Variants in SDK2 observed in about 807,000 individuals in gnomAD.
The protein encoded by SDK2 is protein sidekick-2.
SDK2 carries 105 observed loss-of-function variants against 253.9 expected under a neutral mutation model. The observed-to-expected ratio is 0.41, with a 90% CI of 0.35 to 0.49. The LOEUF (loss-of-function observed/expected upper bound fraction) is 0.49. Among genes scored for constraint, SDK2 ranks in the 20% least tolerant of loss-of-function variants. The pLI, the probability that SDK2 is intolerant of heterozygous loss-of-function variation, is 0.06. For synonymous variants in SDK2, 1,249 were observed against 1,234.9 expected, an observed-to-expected ratio of 1.01 and a Z score of -0.24; for missense variants, 2,608 against 3,003.0, an observed-to-expected ratio of 0.87 and a Z score of 3.07.
chr17:73,515,102 C>T (rs2064014004), intron 1 of SDK2, among the ~76,000 whole-genome samples: 1 of 152,200 alleles, frequency 6.6e-6, no homozygotes, highest in African/African-American at 2.4e-5. Flanking sequence ...GGCCTGAGTT[C>T]ATCTCAAGGA....
chr17:73,610,655 TTCTG>T (rs2143121258), intron 1 of SDK2, among the ~76,000 whole-genome samples: 1 of 152,192 alleles, frequency 6.6e-6, no homozygotes, highest in African/African-American at 2.4e-5. Context: ...CAACTGGTGT[TTCTG>T]TGTGTGCATG....
intron 3 of SDK2, among the ~76,000 whole-genome samples, chr17:73,466,101 A>G (rs895588513): frequency 6.6e-5 from 10 of 152,164 alleles, no homozygotes; most frequent in African/African-American, 2.2e-4. Flanking sequence ...GTACGGGGTG[A>G]GCACTTGAGA....
At chr17:73,448,742 C>T (rs2063471503) in intron 4 of SDK2, among the ~76,000 whole-genome samples, 1 of 151,506 alleles carries the variant, frequency 6.6e-6, no homozygotes, top group Admixed American at 6.6e-5. Flanking sequence ...CTTACTGCAA[C>T]CTCCGCCTTC....
chr17:73,523,851 G>A lies in SDK2; in HGVS notation c.65-16254C>T, dbSNP rs538528540. ...TCCCAGATGCTGCCCCAGCAGAAGCGAGCCCCCTCTTGTATGCTCACATGT... is the reference window on the plus strand; with the variant it reads ...TCCCAGATGCTGCCCCAGCAGAAGCAAGCCCCCTCTTGTATGCTCACATGT... On this transcript the variant is annotated intron_variant, in intron 1 of 44. Coordinates refer to ENST00000392650, the MANE Select transcript of SDK2 (RefSeq NM_001144952.2). Among the ~76,000 whole-genome samples, 5 of 151,964 alleles carry A rather than the reference G, an allele frequency of 3.3e-5. No homozygotes were observed. The East Asian group carries it at 5.8e-4, about 18-fold the overall frequency.
intron 2 of SDK2, among the ~76,000 whole-genome samples, chr17:73,482,550 C>T (rs1289679327): frequency 6.6e-6 from 1 of 152,256 alleles, no homozygotes; most frequent in Non-Finnish European, 1.5e-5. Flanking sequence ...GCGGTGTTAT[C>T]GAGCTGGGGG....
chr17:73,485,197 G>A (rs1325933003), intron 2 of SDK2, among the ~76,000 whole-genome samples: 1 of 152,178 alleles, frequency 6.6e-6, no homozygotes, highest in Non-Finnish European at 1.5e-5. Context: ...GTGTGTGTAT[G>A]TGGAGAGGTG....
chr17:73,403,594 G>C (rs976614211), intron 18 of SDK2, among the ~76,000 whole-genome samples: 2 of 152,132 alleles, frequency 1.3e-5, no homozygotes, highest in South Asian at 2.1e-4. Context: ...TAATAAGCAC[G>C]GGTATTTATA....
At chr17:73,483,657 GTGTGTATATA>G (rs1222454416) in intron 2 of SDK2, among the ~76,000 whole-genome samples, 2 of 38,266 alleles carry the variant, frequency 5.2e-5, no homozygotes, top group African/African-American at 1.8e-4. Flanking sequence ...GTGTGTGTGT[GTGTGTATATA>G]TATATATATA....
At chr17:73,377,685 T>C (rs2062794583) in intron 36 of SDK2, among the ~76,000 whole-genome samples, 1 of 150,626 alleles carries the variant, frequency 6.6e-6, no homozygotes. Flanking sequence ...CAATCTCGGC[T>C]CACTGCAACC....
intron 2 of SDK2, among the ~76,000 whole-genome samples, chr17:73,489,018 T>C (rs1431095979): frequency 1.3e-5 from 2 of 152,236 alleles, no homozygotes; most frequent in African/African-American, 4.8e-5. Context: ...CCCACTGTTA[T>C]GAATCATTCT....
rs150951418 is a variant in SDK2, at chr17:73,376,507, T to C, written c.4980+2670A>G. On this transcript the variant is annotated intron_variant, in intron 36 of 44. Transcript: ENST00000392650. ...TTAATGCGTCACTGATGTTCGTGCG[T>C]GTTGATGTCAGTACCTTGGTTATCA... Among the ~76,000 whole-genome samples, 14 of 152,328 alleles carry C rather than the reference T, an allele frequency of 9.2e-5. 1 individual carries two copies. In the East Asian group the frequency reaches 2.5e-3, roughly 27 times the overall value.
At chr17:73,631,375 C>T (rs1371872388) in intron 1 of SDK2, among the ~76,000 whole-genome samples, 12 of 152,340 alleles carry the variant, frequency 7.9e-5, no homozygotes, top group South Asian at 4.1e-4. Context: ...AAAGCCAACA[C>T]GCACACTGCC....
chr17:73,539,577 A>G (rs1299408006), intron 1 of SDK2, among the ~76,000 whole-genome samples: 2 of 152,184 alleles, frequency 1.3e-5, no homozygotes, highest in South Asian at 2.1e-4. Context: ...CAAGTGACAC[A>G]GCACCGGAGT....
intron 3 of SDK2, among the ~76,000 whole-genome samples, chr17:73,471,512 T>A (rs1303647143): frequency 2.0e-5 from 3 of 152,092 alleles, no homozygotes; most frequent in East Asian, 1.9e-4. Context: ...AGCAGGAGAA[T>A]CACTTGAACC....
Position 73,373,181 on chromosome 17 carries a change from G to A in SDK2, c.4981-4588C>T, listed in dbSNP as rs147216185. Among the ~76,000 whole-genome samples the A allele has an allele frequency of 2.9e-3, 438 of 152,306 alleles. 4 individuals carry two copies. The highest frequency in any genetic ancestry group is 0.01 in the African/African-American group (426 of 41,554). On this transcript the variant is annotated intron_variant, in intron 36 of 44. Coordinates refer to ENST00000392650, the MANE Select transcript of SDK2 (RefSeq NM_001144952.2). Reference sequence around the variant, plus strand: ...CATAATATCCTGCAGGTTCATCCGTGTTGTTGCAAACAGCAGGATTTCCTT... The same window carrying A: ...CATAATATCCTGCAGGTTCATCCGTATTGTTGCAAACAGCAGGATTTCCTT...
chr17:73,394,058 C>A, intron 26 of SDK2, 151 bp downstream of exon 26: 1 of 513,330 alleles, frequency 1.9e-6, no homozygotes. Context: ...CTCATGGTTG[C>A]CATGGTGACC....
rs371061421 is a variant in SDK2, at chr17:73,348,662, G to A, written c.6102C>T (p.Asn2034=). The change falls in exon 44 of 45, where the codon AAC becomes AAT. Residue 2034 remains asparagine (N), a synonymous_variant. Transcript: ENST00000392650. Reference sequence around the variant, plus strand: ...TGCTGCTCTCTGCAGGGATGAGGTCGTTGTATTTGGTGACATCCTCATCCG... The same window carrying A: ...TGCTGCTCTCTGCAGGGATGAGGTCATTGTATTTGGTGACATCCTCATCCG... ...HYSDEDVTKY[N]DLIPAESSSL... is the part of the protein sequence containing the mutation. 405 of 1,612,640 alleles carry A rather than the reference G, an allele frequency of 2.5e-4. No homozygotes were observed. The highest frequency in any genetic ancestry group is 2.0e-3 in the Middle Eastern group (12 of 6,062).
chr17:73,496,043 C>T lies in SDK2; in HGVS notation c.224+11395G>A, dbSNP rs2063839506. On this transcript the variant is annotated intron_variant, in intron 2 of 44. Transcript: ENST00000392650. This position sits in a 1 kb window ranked among gnomAD's most constrained non-coding sequence, Gnocchi z 4.7. The stretch of plus-strand genomic sequence containing the variant: ...GGAACAGGCAGATAGGATCTAGCCT[C>T]ATTGAGGAAAAGGAACCTGGACTTC... Among the ~76,000 whole-genome samples, 1 of 152,106 alleles carries T rather than the reference C, an allele frequency of 6.6e-6. No individual in the cohort carries two copies. The highest frequency in any genetic ancestry group is 2.4e-5 in the African/African-American group (1 of 41,402).
chr17:73,509,902 CAAAAAA>C (rs71157018), intron 1 of SDK2, among the ~76,000 whole-genome samples: 11 of 25,392 alleles, frequency 4.3e-4, no homozygotes, highest in African/African-American at 5.7e-4. Flanking sequence ...TCCATCTCTA[CAAAAAA>C]AAAAAAAAAA....
Sources: gnomAD v4.1 joint callset for allele counts (sites outside exome capture counted in the v4.1 genomes callset) on GRCh38, gnomAD v4.1.1 for gene constraint, Gnocchi (gnomAD v3.1) non-coding constraint, MANE v1.5 for transcripts, NCBI Gene and HGNC (gene_info 2026-07-23, HGNC 2026-07-21) for gene names.